FMN1: variants seen among roughly 807,000 people sequenced by gnomAD.
FMN1 encodes the protein formin-1.
FMN1 carries 110 observed loss-of-function variants against 132.4 expected under a neutral mutation model. That is an observed-to-expected ratio of 0.83 (90% CI 0.71 to 0.97). The LOEUF is 0.97. FMN1 is among the 50% of genes least tolerant of loss of function. FMN1 has a pLI of 0.00. For synonymous variants in FMN1, 722 were observed against 651.7 expected (o/e 1.11, Z -1.64); for missense variants, 1,792 against 1,705.3 (o/e 1.05, Z -0.90).
chr15:32,922,073 G>A (rs117800391), intron 10 of FMN1, among the ~76,000 whole-genome samples: 44 of 152,286 alleles, frequency 2.9e-4, no homozygotes, highest in African/African-American at 9.9e-4. Flanking sequence ...TCAAGATACT[G>A]CTCTGTTATT....
In FMN1 at chr15:33,153,777, C is replaced by G; in HGVS notation, c.1138G>C (p.Ala380Pro). 6.5e-7 allele frequency: 1 copy of G among 1,536,344 alleles called. No individual in the cohort carries two copies. The highest frequency in any genetic ancestry group is 2.0e-5 in the Admixed American group (1 of 51,008). ...LLTLPGAEAG[A>P]HGSRRQGKER... ...TTGCCCTGCCGCCTGGAGCCATGAG[C>G]CCCAGCCTCAGCTCCCGGGAGGGTG... The change falls in exon 4 of 21, where the codon GCT (alanine) becomes CCT (proline). Residue 380 changes from alanine (A) to proline (P), a missense_variant. Coordinates refer to ENST00000616417, the MANE Select transcript of FMN1 (RefSeq NM_001277313.2).
intron 5 of FMN1, chr15:33,066,548 T>A (rs753558211): frequency 1.3e-6 from 2 of 1,595,238 alleles, no homozygotes; most frequent in South Asian, 2.3e-5. Flanking sequence ...TGGCTTAGAA[T>A]TGGACCGTTC....
chr15:32,837,017 G>C, intron 17 of FMN1: 1 of 230,424 alleles, frequency 4.3e-6, no homozygotes, highest in Non-Finnish European at 9.9e-6. Context: ...TCTCCTGGGA[G>C]ACACAGACCA....
At chr15:33,065,249 G>GT (rs2037670070) in intron 5 of FMN1, among the ~76,000 whole-genome samples, 175 bp from the exon 6 acceptor site, 2 of 151,974 alleles carry the variant, frequency 1.3e-5, no homozygotes, top group African/African-American at 2.4e-5. Context: ...GAAGTGTAAC[G>GT]TGATCAGTTG....
chr15:32,968,086 C>T (rs1488160126), intron 8 of FMN1, among the ~76,000 whole-genome samples: 1 of 152,198 alleles, frequency 6.6e-6, no homozygotes, highest in East Asian at 1.9e-4. Context: ...ATGCTTTCAG[C>T]TATCCACATA....
chr15:33,048,915 G>A (rs866936419), intron 6 of FMN1, among the ~76,000 whole-genome samples: 4 of 152,286 alleles, frequency 2.6e-5, no homozygotes, highest in Middle Eastern at 3.4e-3. Context: ...AGATTTGGGT[G>A]AGGACACAGC....
chr15:32,848,986 T>TTG (rs2058933263), intron 17 of FMN1, among the ~76,000 whole-genome samples: 2 of 126,472 alleles, frequency 1.6e-5, no homozygotes, highest in African/African-American at 7.2e-5. Flanking sequence ...TGTTTTTTTT[T>TTG]TTTTTTTTTT....
chr15:33,042,370 T>G (rs2036478822), intron 6 of FMN1, among the ~76,000 whole-genome samples: 1 of 152,216 alleles, frequency 6.6e-6, no homozygotes, highest in Non-Finnish European at 1.5e-5. Flanking sequence ...GATCATTTCA[T>G]AGCTCTTGAG....
At chr15:33,128,020 T>C (rs28459535) in intron 4 of FMN1, among the ~76,000 whole-genome samples, 6,060 of 151,844 alleles carry the variant, frequency 0.04, 309 homozygotes, top group African/African-American at 0.11. Context: ...AGACAAATCA[T>C]AGCAGAATGC....
intron 4 of FMN1, among the ~76,000 whole-genome samples, chr15:33,098,082 A>G (rs916298817): frequency 3.3e-5 from 5 of 152,236 alleles, no homozygotes; most frequent in African/African-American, 1.2e-4. Flanking sequence ...TAAATTAGGT[A>G]CTGATAACAG....
At position 32,778,816 on chromosome 15, in the gene FMN1, A is replaced by G. The variant is rs535854398; in HGVS notation, c.4131-1897T>C. ...CAATTCTACTGCTAGGTACATAAAT[A>G]TATCTATAACTAAGAAAATTGAAAA... On this transcript the variant is annotated intron_variant, in intron 19 of 20. Coordinates refer to ENST00000616417, the MANE Select transcript of FMN1 (RefSeq NM_001277313.2). Among the ~76,000 whole-genome samples, 4 of 152,278 alleles carry G rather than the reference A, an allele frequency of 2.6e-5. No homozygotes were observed. The South Asian group carries it at 6.2e-4, about 24-fold the overall frequency.
intron 3 of FMN1, among the ~76,000 whole-genome samples, chr15:33,163,480 G>C (rs543430279): frequency 6.6e-6 from 1 of 151,470 alleles, no homozygotes; most frequent in East Asian, 2.0e-4. Flanking sequence ...TTTTAGTAGA[G>C]AGGGGGTTTC....
chr15:32,964,547 A>T (rs1356653640), intron 8 of FMN1, among the ~76,000 whole-genome samples: 1 of 152,196 alleles, frequency 6.6e-6, no homozygotes, highest in Non-Finnish European at 1.5e-5. Context: ...TGGGATTCGG[A>T]TTCCTGGGGG....
intron 9 of FMN1, among the ~76,000 whole-genome samples, chr15:32,943,660 T>C (rs1383503442): frequency 6.6e-6 from 1 of 152,216 alleles, no homozygotes; most frequent in Non-Finnish European, 1.5e-5. Flanking sequence ...CTACAGGCTC[T>C]GATGATTGCA....
At chr15:32,833,291 G>A (rs1256823423) in intron 17 of FMN1, among the ~76,000 whole-genome samples, 2 of 152,168 alleles carry the variant, frequency 1.3e-5, no homozygotes, top group South Asian at 4.1e-4. Context: ...TTCAATTAGT[G>A]TAACTGATAG....
intron 17 of FMN1, among the ~76,000 whole-genome samples, chr15:32,854,563 T>C (rs1013939648): frequency 1.3e-5 from 2 of 152,218 alleles, no homozygotes; most frequent in African/African-American, 4.8e-5. Flanking sequence ...TACTTTTACC[T>C]CATCTGTAAA....
chr15:32,789,578 T>C (rs2056998517), intron 19 of FMN1, among the ~76,000 whole-genome samples: 1 of 152,186 alleles, frequency 6.6e-6, no homozygotes, highest in South Asian at 2.1e-4. Context: ...ATAGCCACCA[T>C]AATGTTGTGG....
intron 4 of FMN1, among the ~76,000 whole-genome samples, chr15:33,096,000 C>CAAA (rs5811732): frequency 3.1e-5 from 4 of 130,880 alleles, no homozygotes; most frequent in African/African-American, 1.1e-4. Context: ...AGGTAAATAC[C>CAAA]AAAAAAAAAA....
At chr15:33,151,257 C>G (rs753972950) in intron 4 of FMN1, 367 of 1,535,922 alleles carry the variant, frequency 2.4e-4, no homozygotes, top group Non-Finnish European at 3.0e-4. Flanking sequence ...AAAAAAAGCT[C>G]TTACCCACTT....
Sources: gnomAD v4.1 joint callset for allele counts (sites outside exome capture counted in the v4.1 genomes callset) on GRCh38, gnomAD v4.1.1 for gene constraint, MANE v1.5 for transcripts, NCBI Gene and HGNC (gene_info 2026-07-23, HGNC 2026-07-21) for gene names.